Variants in MACROD2 observed in about 807,000 individuals in gnomAD.
MACROD2 encodes mono-ADP ribosylhydrolase 2.
Under a neutral mutation model 70.4 loss-of-function variants are expected in MACROD2, and 36 were observed. The ratio of observed to expected loss-of-function variants is 0.51; its 90% CI spans 0.39 to 0.68. The LOEUF is 0.68. Among genes scored for constraint, MACROD2 ranks in the 30% least tolerant of loss-of-function variants. The pLI is 0.00. For missense variants in MACROD2, 496 were observed against 538.4 expected (o/e 0.92, Z 0.78); for synonymous variants, 172 against 178.8 (o/e 0.96, Z 0.30).
At chr20:14,906,371 G>A (rs1319186578) in intron 5 of MACROD2, among the ~76,000 whole-genome samples, 2 of 152,160 alleles carry the variant, frequency 1.3e-5, no homozygotes, top group Non-Finnish European at 2.9e-5. Context: ...GCGCATGCCT[G>A]TAATCCCAGC....
Position 15,218,500 on chromosome 20 carries a change from C to A in MACROD2, c.419-11440C>A, listed in dbSNP as rs530273665. On this transcript the variant is annotated intron_variant, in intron 5 of 17. Coordinates refer to ENST00000684519, the MANE Select transcript of MACROD2 (RefSeq NM_001351661.2). ...ACTGTCATGATTTTGCATGGGAATTCATGTTCCCAAAGAATATCTCTTGGC... is the reference window on the plus strand; with the variant it reads ...ACTGTCATGATTTTGCATGGGAATTAATGTTCCCAAAGAATATCTCTTGGC... Among the ~76,000 whole-genome samples the A allele has an allele frequency of 2.5e-4, 38 of 152,252 alleles. 1 individual carries two copies. The highest frequency in any genetic ancestry group is 6.3e-4 in the African/African-American group (26 of 41,538).
intron 5 of MACROD2, among the ~76,000 whole-genome samples, chr20:14,716,759 T>C (rs1350898503): frequency 3.3e-5 from 5 of 152,142 alleles, no homozygotes. Context: ...AGTATGATGT[T>C]GATGAGGCAG....
At chr20:14,690,656 G>A (rs1238383915) in intron 5 of MACROD2, among the ~76,000 whole-genome samples, 2 of 152,174 alleles carry the variant, frequency 1.3e-5, no homozygotes, top group African/African-American at 2.4e-5. Context: ...TAGAGGCATC[G>A]TGGTGGCCAA....
intron 6 of MACROD2, among the ~76,000 whole-genome samples, chr20:15,390,940 G>A (rs182257732): frequency 1.3e-5 from 2 of 152,286 alleles, no homozygotes; most frequent in Admixed American, 1.3e-4. Context: ...TTTCATTGAT[G>A]CATTGTTCAT....
intron 8 of MACROD2, among the ~76,000 whole-genome samples, chr20:15,842,712 G>GGATAGATAGGTA (rs1555786010): frequency 7.1e-6 from 1 of 141,584 alleles, no homozygotes; most frequent in African/African-American, 2.7e-5. Context: ...GTGGGTGGAT[G>GGATAGATAGGTA]GATAGATAGA....
intron 8 of MACROD2, among the ~76,000 whole-genome samples, chr20:15,608,420 C>G (rs200738): frequency 0.56 from 84,913 of 151,940 alleles, 25,965 homozygotes; most frequent in African/African-American, 0.84. Flanking sequence ...CCTTTCTCTG[C>G]GTAGCTGTTA....
chr20:15,765,930 A>G (rs1456267925), intron 8 of MACROD2, among the ~76,000 whole-genome samples: 5 of 152,168 alleles, frequency 3.3e-5, no homozygotes, highest in African/African-American at 7.2e-5. Context: ...GCATCCTTTC[A>G]TGGAAGCAAT....
At chr20:15,451,658 C>T (rs2046645266) in intron 7 of MACROD2, among the ~76,000 whole-genome samples, 1 of 152,040 alleles carries the variant, frequency 6.6e-6, no homozygotes, top group South Asian at 2.1e-4. Flanking sequence ...CAAATGTTGG[C>T]TGCAGCAAGG....
At chr20:15,113,071 A>G (rs530012382) in intron 5 of MACROD2, among the ~76,000 whole-genome samples, 14 of 152,168 alleles carry the variant, frequency 9.2e-5, no homozygotes, top group East Asian at 3.9e-4. Context: ...CAGTGTTTCT[A>G]TGAACATGAG....
rs1253958303 is a variant in MACROD2, at chr20:14,890,417, A to G, written c.418+205458A>G. On this transcript the variant is annotated intron_variant, in intron 5 of 17. Transcript: ENST00000684519. Reference sequence around the variant, plus strand: ...GATGGAGGAAGAAAACCAAGAGAAGATGCTATCTTGGTGAAGAAAGTACTT... The same window carrying G: ...GATGGAGGAAGAAAACCAAGAGAAGGTGCTATCTTGGTGAAGAAAGTACTT... 2.0e-5 allele frequency among the ~76,000 whole-genome samples: 3 copies of G among 152,196 alleles called. No homozygotes were observed. In the East Asian group the frequency reaches 5.8e-4, roughly 29 times the overall value.
chr20:14,812,001 T>C (rs1335289021), intron 5 of MACROD2, among the ~76,000 whole-genome samples: 2 of 152,088 alleles, frequency 1.3e-5, no homozygotes, highest in African/African-American at 2.4e-5. Flanking sequence ...ACTTCAACCA[T>C]TGTGGAAGAC....
chr20:14,837,007 CTT>C (rs917037342), intron 5 of MACROD2, among the ~76,000 whole-genome samples: 1 of 151,936 alleles, frequency 6.6e-6, no homozygotes, highest in Non-Finnish European at 1.5e-5. Context: ...AAATAAAACT[CTT>C]GTAATTAACT....
chr20:14,745,654 A>C (rs1342254870), intron 5 of MACROD2, among the ~76,000 whole-genome samples: 1 of 152,166 alleles, frequency 6.6e-6, no homozygotes, highest in African/African-American at 2.4e-5. Flanking sequence ...GTTAATGTAC[A>C]ACATTTGTAG....
chr20:14,031,076 A>C (rs1371297911), intron 2 of MACROD2, among the ~76,000 whole-genome samples: 1 of 152,224 alleles, frequency 6.6e-6, no homozygotes, highest in Admixed American at 6.5e-5. Context: ...TAACTTGCTA[A>C]CAGCTCTAGC....
chr20:15,289,204 A>T (rs560359800), intron 6 of MACROD2, among the ~76,000 whole-genome samples: 15 of 152,214 alleles, frequency 9.9e-5, no homozygotes, highest in Non-Finnish European at 1.8e-4. Flanking sequence ...AGTAGCATGG[A>T]TCCACTGCTT....
chr20:15,263,222 G>A (rs1371625353), intron 6 of MACROD2, among the ~76,000 whole-genome samples: 3 of 151,950 alleles, frequency 2.0e-5, no homozygotes, highest in Admixed American at 6.6e-5. Flanking sequence ...TTTGTTTACG[G>A]TGAGAGATAA....
intron 5 of MACROD2, among the ~76,000 whole-genome samples, chr20:14,858,315 A>G (rs1392991753): frequency 6.6e-6 from 1 of 152,084 alleles, no homozygotes; most frequent in Non-Finnish European, 1.5e-5. Context: ...GAACAGGATG[A>G]GACAAGCCGG....
chr20:15,001,251 C>T (rs2074993000), intron 5 of MACROD2, among the ~76,000 whole-genome samples: 1 of 152,166 alleles, frequency 6.6e-6, no homozygotes, highest in Admixed American at 6.5e-5. Flanking sequence ...ACCAGATCAC[C>T]TCTCAAAGTG....
intron 5 of MACROD2, among the ~76,000 whole-genome samples, chr20:15,066,351 C>T (rs1419632024): frequency 3.3e-5 from 5 of 151,224 alleles, no homozygotes; most frequent in African/African-American, 1.2e-4. Flanking sequence ...CCAGGCTGGT[C>T]TCGAACTCCC....
Sources: gnomAD v4.1 joint callset for allele counts (sites outside exome capture counted in the v4.1 genomes callset) on GRCh38, gnomAD v4.1.1 for gene constraint, MANE v1.5 for transcripts, NCBI Gene and HGNC (gene_info 2026-07-23, HGNC 2026-07-21) for gene names.